BZW2: variants seen among roughly 807,000 people sequenced by gnomAD.
BZW2 encodes the protein basic leucine zipper and W2 domains 2.
BZW2 carries 23 observed loss-of-function variants against 53.2 expected under a neutral mutation model. The observed-to-expected ratio is 0.43, with a 90% CI of 0.31 to 0.61. The LOEUF (loss-of-function observed/expected upper bound fraction) is 0.61. Among genes scored for constraint, BZW2 ranks in the 20% least tolerant of loss-of-function variants. BZW2 has a pLI of 0.09. For missense variants in BZW2, 409 were observed against 503.1 expected (o/e 0.81, Z 1.79); for synonymous variants, 227 against 186.4 (o/e 1.22, Z -1.77).
At chr7:16,660,015 A>G (rs903144542) in intron 1 of BZW2, among the ~76,000 whole-genome samples, 1 of 150,968 alleles carries the variant, frequency 6.6e-6, no homozygotes, top group Non-Finnish European at 1.5e-5. Context: ...CCACCCCACA[A>G]CAGGCCCCTT....
At chr7:16,680,850 A>C (rs1374998764) in intron 3 of BZW2, among the ~76,000 whole-genome samples, 1 of 152,150 alleles carries the variant, frequency 6.6e-6, no homozygotes, top group Middle Eastern at 3.2e-3. Flanking sequence ...TCACACCTGT[A>C]ATCCCAGCAC....
At chr7:16,694,769 T>C in intron 7 of BZW2, 65 bp from the exon 8 acceptor site, 4 of 1,305,980 alleles carry the variant, frequency 3.1e-6, no homozygotes, top group Non-Finnish European at 4.1e-6. Flanking sequence ...ATGAAGACTT[T>C]TGTCCTTTAT....
At chr7:16,695,031 T>G (rs1783435606) in intron 8 of BZW2, 27 bp downstream of exon 8, 2 of 1,517,486 alleles carry the variant, frequency 1.3e-6, no homozygotes, top group Non-Finnish European at 1.8e-6. Flanking sequence ...AGACATCACC[T>G]CAATACACAT....
intron 7 of BZW2, among the ~76,000 whole-genome samples, chr7:16,690,364 G>A (rs1783262819): frequency 1.3e-5 from 2 of 151,978 alleles, no homozygotes; most frequent in Admixed American, 1.3e-4. Flanking sequence ...ACCACACCCA[G>A]CTAATTTTTG....
chr7:16,684,655 A>G (rs1167631741), intron 5 of BZW2, among the ~76,000 whole-genome samples: 1 of 152,180 alleles, frequency 6.6e-6, no homozygotes, highest in Non-Finnish European at 1.5e-5. Context: ...TGAACTGTCT[A>G]TATTTATGTT....
intron 2 of BZW2, among the ~76,000 whole-genome samples, chr7:16,669,039 AAG>A (rs1782520138): frequency 6.6e-6 from 1 of 152,200 alleles, no homozygotes; most frequent in African/African-American, 2.4e-5. Context: ...TAGTGAAAAC[AAG>A]AGAGAGAAAA....
At chr7:16,647,084 C>T (rs1474791108) in intron 1 of BZW2, among the ~76,000 whole-genome samples, 3 of 152,100 alleles carry the variant, frequency 2.0e-5, no homozygotes, top group African/African-American at 7.2e-5. Context: ...GGAGCTTCGA[C>T]CATAGGTAGA....
chr7:16,691,744 C>T (rs1055929425), intron 7 of BZW2, among the ~76,000 whole-genome samples: 42 of 152,162 alleles, frequency 2.8e-4, no homozygotes, highest in African/African-American at 9.9e-4. Flanking sequence ...ACAATCTATC[C>T]GGTTATTTCT....
chr7:16,679,316 A>T (rs1193401667), intron 3 of BZW2, among the ~76,000 whole-genome samples: 1 of 152,224 alleles, frequency 6.6e-6, no homozygotes, highest in Non-Finnish European at 1.5e-5. Flanking sequence ...AATGTCCATG[A>T]AATCTTCACA....
At chr7:16,651,733 G>A (rs760683380) in intron 1 of BZW2, among the ~76,000 whole-genome samples, 21 of 152,092 alleles carry the variant, frequency 1.4e-4, no homozygotes, top group Non-Finnish European at 3.1e-4. Context: ...GTCCCTAAGA[G>A]GCAATATTGT....
chr7:16,703,496 A>G (rs1270070377), intron 10 of BZW2, among the ~76,000 whole-genome samples: 1 of 152,192 alleles, frequency 6.6e-6, no homozygotes, highest in East Asian at 1.9e-4. Context: ...CATTTTCATA[A>G]GTTGAAATTA....
At chr7:16,678,478 C>T (rs1782836927) in intron 3 of BZW2, among the ~76,000 whole-genome samples, 1 of 152,134 alleles carries the variant, frequency 6.6e-6, no homozygotes, top group Admixed American at 6.5e-5. Flanking sequence ...AAATGGCAAA[C>T]AATACTTTGT....
In BZW2 at chr7:16,682,911, T is replaced by TA. The variant is rs1782995289; in HGVS notation, c.405+68dup. 3.5e-6 allele frequency: 4 copies of TA among 1,155,832 alleles called. No individual in the cohort carries two copies. The East Asian group carries it at 1.1e-4, about 31-fold the overall frequency. The allele number at this position is 1,155,832 out of a possible 1,614,324, so 71.6% of individuals were successfully genotyped here. The stretch of plus-strand genomic sequence containing the variant: ...GACATGGGGGTGGATAAAAATTTTA[T>TA]AAGTGGCCGGACACGGTGGCTCACG... On this transcript the variant is annotated intron_variant, in intron 5 of 11. Coordinates refer to ENST00000258761, the MANE Select transcript of BZW2 (RefSeq NM_014038.3).
chr7:16,669,548 GA>G (rs1200867636), intron 2 of BZW2, among the ~76,000 whole-genome samples: 3 of 152,150 alleles, frequency 2.0e-5, no homozygotes, highest in Non-Finnish European at 2.9e-5. Flanking sequence ...TATATAATTA[GA>G]AAATACATTT....
intron 5 of BZW2, among the ~76,000 whole-genome samples, chr7:16,684,810 G>A (rs1469414463): frequency 6.6e-6 from 1 of 152,102 alleles, no homozygotes; most frequent in Non-Finnish European, 1.5e-5. Context: ...AGAGGCAAAT[G>A]GACTGGTTTG....
chr7:16,680,128 A>G (rs1333317981), intron 3 of BZW2, among the ~76,000 whole-genome samples: 3 of 152,152 alleles, frequency 2.0e-5, no homozygotes, highest in Admixed American at 6.5e-5. Context: ...CTGGGTTAGC[A>G]AAGGAGGGAG....
chr7:16,651,719 G>A (rs927788738), intron 1 of BZW2, among the ~76,000 whole-genome samples: 2 of 152,064 alleles, frequency 1.3e-5, no homozygotes, highest in Non-Finnish European at 2.9e-5. Context: ...TCTAATATTC[G>A]TATGTCCCTA....
intron 2 of BZW2, among the ~76,000 whole-genome samples, chr7:16,668,746 A>T (rs1266976165): frequency 1.3e-5 from 2 of 152,228 alleles, no homozygotes. Context: ...TTAGTATGAC[A>T]ATGTATTTCT....
rs376412401 is a variant in BZW2 at position 16,656,555 on chromosome 7, G to GCACACACACACA, written c.-7-8851_-7-8840dup. ...ATCAAGCACTCCCCAGCGCGCGCGCGCACACACACACACACACACACACAC... is the reference window on the plus strand; with the variant it reads ...ATCAAGCACTCCCCAGCGCGCGCGCGCACACACACACACACACACACACACACACACACACAC... On this transcript the variant is annotated intron_variant, in intron 1 of 11. Coordinates refer to ENST00000258761, the MANE Select transcript of BZW2 (RefSeq NM_014038.3). Among the ~76,000 whole-genome samples, 672 of 141,280 alleles carry GCACACACACACA rather than the reference G, an allele frequency of 4.8e-3. 6 individuals are homozygous for GCACACACACACA. Among genetic ancestry groups the GCACACACACACA allele is most frequent in the African/African-American group, 0.017 (631 of 37,860 alleles). The allele number at this position is 141,280 out of a possible 152,430, so 92.7% of individuals were successfully genotyped here. A position where few individuals can be genotyped will look rare whatever the true frequency, so the allele number is the denominator to read the frequency against.
Sources: allele counts gnomAD v4.1 joint callset (sites outside exome capture counted in the v4.1 genomes callset), GRCh38; gene constraint gnomAD v4.1.1; transcripts MANE v1.5; gene names NCBI Gene and HGNC (gene_info 2026-07-23, HGNC 2026-07-21).